The following DOCK3 variants were observed in gnomAD, a reference collection of about 807,000 sequenced individuals.
The protein encoded by DOCK3 is dedicator of cytokinesis protein 3.
In DOCK3, 60 loss-of-function variants were observed where a neutral mutation model predicts 265.6. The ratio of observed to expected loss-of-function variants is 0.23; its 90% CI spans 0.18 to 0.28. DOCK3 has a LOEUF of 0.28. Ranked by LOEUF, DOCK3 falls within the 10% of genes least tolerant of loss-of-function variation. DOCK3 has a pLI of 1.00. For missense variants in DOCK3, 1,981 were observed against 2,594.3 expected (o/e 0.76, Z 5.14); for synonymous variants, 881 against 938.0 (o/e 0.94, Z 1.11).
intron 1 of DOCK3, among the ~76,000 whole-genome samples, chr3:50,718,786 T>C (rs1395057091): frequency 6.8e-6 from 1 of 145,996 alleles, no homozygotes; most frequent in East Asian, 2.0e-4. Context: ...TTTTTTTTTT[T>C]TTTTTTTTTT....
chr3:50,884,159 C>T (rs1169990765), intron 3 of DOCK3, among the ~76,000 whole-genome samples: 4 of 151,208 alleles, frequency 2.6e-5, no homozygotes, highest in African/African-American at 9.7e-5. Context: ...GGCGCCATCT[C>T]GCCTCACTGC....
intron 5 of DOCK3, among the ~76,000 whole-genome samples, chr3:51,006,011 T>C (rs1196496917): frequency 2.0e-5 from 3 of 152,178 alleles, no homozygotes; most frequent in African/African-American, 7.2e-5. Flanking sequence ...TTTCTTTTAG[T>C]TCACTCCAGC....
intron 22 of DOCK3, among the ~76,000 whole-genome samples, chr3:51,253,673 T>C (rs1012042883): frequency 1.1e-4 from 16 of 152,240 alleles, no homozygotes; most frequent in Admixed American, 1.0e-3. Flanking sequence ...TGGTATTCTC[T>C]GATGGTAGTC....
intron 12 of DOCK3, among the ~76,000 whole-genome samples, chr3:51,200,873 C>A (rs890624697): frequency 6.6e-6 from 1 of 152,128 alleles, no homozygotes; most frequent in Non-Finnish European, 1.5e-5. Context: ...CAATATTCAA[C>A]ATTCTTACCG....
In DOCK3 at chr3:51,117,355, A is replaced by G. The variant is rs1325948731; in HGVS notation, c.746+26971A>G. 2.6e-5 allele frequency among the ~76,000 whole-genome samples: 4 copies of G among 152,212 alleles called. No individual in the cohort carries two copies. In the East Asian group the frequency reaches 7.7e-4, roughly 29 times the overall value. On this transcript the variant is annotated intron_variant, in intron 9 of 52. Coordinates refer to ENST00000266037, the MANE Select transcript of DOCK3 (RefSeq NM_004947.5). ...ATAAGCTTTTTGATATGCTGCTGGA[A>G]TTGGGCTTCCTAGTATTTTATTGAG...
At chr3:50,966,941 T>G (rs2108434799) in intron 5 of DOCK3, among the ~76,000 whole-genome samples, 1 of 152,254 alleles carries the variant, frequency 6.6e-6, no homozygotes, top group Admixed American at 6.5e-5. Flanking sequence ...TTTCACCTCT[T>G]TCCTTTAAAA....
chr3:51,010,639 T>C (rs370016362), intron 5 of DOCK3, among the ~76,000 whole-genome samples: 13 of 152,212 alleles, frequency 8.5e-5, no homozygotes, highest in Non-Finnish European at 1.8e-4. Context: ...AATATTGTTA[T>C]GTGTGAATTT....
intron 21 of DOCK3, among the ~76,000 whole-genome samples, chr3:51,245,032 A>G (rs1209230246): frequency 6.6e-6 from 1 of 152,222 alleles, no homozygotes; most frequent in Non-Finnish European, 1.5e-5. Flanking sequence ...CAGGTTATCT[A>G]AGACCATTAA....
At chr3:51,322,167 G>A (rs1360462095) in intron 32 of DOCK3, among the ~76,000 whole-genome samples, 1 of 152,098 alleles carries the variant, frequency 6.6e-6, no homozygotes, top group Non-Finnish European at 1.5e-5. Context: ...CCAGAAGAGA[G>A]TGGGGGCCAA....
At chr3:51,027,977 G>C (rs1284799463) in intron 5 of DOCK3, among the ~76,000 whole-genome samples, 1 of 152,062 alleles carries the variant, frequency 6.6e-6, no homozygotes, top group East Asian at 1.9e-4. Context: ...TTCTGTCATA[G>C]TGTTGTTAGC....
intron 1 of DOCK3, among the ~76,000 whole-genome samples, chr3:50,735,188 T>C (rs2038508032): frequency 6.6e-6 from 1 of 152,198 alleles, no homozygotes; most frequent in African/African-American, 2.4e-5. Context: ...GATAGTCTTA[T>C]GGAGGATGCC....
intron 40 of DOCK3, among the ~76,000 whole-genome samples, chr3:51,352,901 C>T (rs991744785): frequency 2.6e-5 from 4 of 152,154 alleles, no homozygotes; most frequent in Non-Finnish European, 5.9e-5. Context: ...CTGGGCCTTC[C>T]CCAGAAGGCT....
chr3:50,765,397 A>G (rs1034962078), intron 1 of DOCK3, among the ~76,000 whole-genome samples: 1 of 152,004 alleles, frequency 6.6e-6, no homozygotes, highest in African/African-American at 2.4e-5. Flanking sequence ...CTTAGAATTT[A>G]TAAAGTATCT....
intron 2 of DOCK3, among the ~76,000 whole-genome samples, chr3:50,790,763 T>C (rs2042429947): frequency 6.6e-6 from 1 of 152,292 alleles, no homozygotes; most frequent in East Asian, 1.9e-4. Context: ...TTCCTTCGTC[T>C]TGACTTTAGA....
At chr3:51,219,539 A>G (rs1196993517) in intron 14 of DOCK3, among the ~76,000 whole-genome samples, 2 of 152,230 alleles carry the variant, frequency 1.3e-5, no homozygotes, top group Admixed American at 1.3e-4. Context: ...GAATGTCTAG[A>G]AAATCTTAAC....
chr3:51,336,469 G>A (rs1016960493), intron 35 of DOCK3, among the ~76,000 whole-genome samples: 2 of 152,094 alleles, frequency 1.3e-5, no homozygotes, highest in African/African-American at 2.4e-5. Flanking sequence ...AGGCCTCTCA[G>A]GTTGCAATGA....
intron 32 of DOCK3, among the ~76,000 whole-genome samples, chr3:51,327,094 T>G (rs2084178634): frequency 6.6e-6 from 1 of 152,214 alleles, no homozygotes; most frequent in Non-Finnish European, 1.5e-5. Flanking sequence ...GACTACCTTT[T>G]CTGTGTATGT....
At chr3:50,699,515 C>T (rs1328979593) in intron 1 of DOCK3, among the ~76,000 whole-genome samples, 3 of 149,766 alleles carry the variant, frequency 2.0e-5, no homozygotes, top group Non-Finnish European at 4.4e-5. Flanking sequence ...TGCAGTGGCA[C>T]GATCTCTGCT....
chr3:50,900,517 T>A (rs2049133207), intron 4 of DOCK3, among the ~76,000 whole-genome samples: 1 of 152,184 alleles, frequency 6.6e-6, no homozygotes, highest in African/African-American at 2.4e-5. Flanking sequence ...TTTTGTTCCC[T>A]TGGCGAGGAG....
Sources: allele counts gnomAD v4.1 joint callset (sites outside exome capture counted in the v4.1 genomes callset), GRCh38; gene constraint gnomAD v4.1.1; transcripts MANE v1.5; gene names NCBI Gene and HGNC (gene_info 2026-07-23, HGNC 2026-07-21).